FLT3: variants seen among roughly 807,000 people sequenced by gnomAD.
The protein encoded by FLT3 is receptor-type tyrosine-protein kinase FLT3.
A neutral mutation model predicts 126.6 loss-of-function variants in FLT3; 46 were observed. The observed-to-expected ratio is 0.36, with a 90% CI of 0.29 to 0.46. The LOEUF is 0.46. Ranked by LOEUF, FLT3 falls within the 20% of genes least tolerant of loss-of-function variation. The pLI, the probability that FLT3 is intolerant of heterozygous loss-of-function variation, is 1.00. For missense variants in FLT3, 1,069 were observed against 1,190.3 expected (o/e 0.90, Z 1.50); for synonymous variants, 404 against 434.4 (o/e 0.93, Z 0.87).
chr13:28,035,839 T>C, intron 11 of FLT3, 96 bp downstream of exon 11: 1 of 1,241,104 alleles, frequency 8.1e-7, no homozygotes, highest in East Asian at 2.3e-5. Flanking sequence ...ATTTTAAATA[T>C]TTCATCATTT....
intron 23 of FLT3, among the ~76,000 whole-genome samples, chr13:28,007,810 A>G (rs1871043839): frequency 6.6e-6 from 1 of 152,222 alleles, no homozygotes; most frequent in Non-Finnish European, 1.5e-5. Context: ...TGTGGCTAAT[A>G]CATTAGTAAA....
chr13:28,040,963 CA>C (rs58959298), intron 9 of FLT3, among the ~76,000 whole-genome samples: 12,671 of 108,586 alleles, frequency 0.12, 1,340 homozygotes, highest in African/African-American at 0.33. Flanking sequence ...GACCCGGACT[CA>C]AAAAAAAAAA....
At chr13:28,064,950 G>C (rs1227140338) in intron 2 of FLT3, among the ~76,000 whole-genome samples, 1 of 152,124 alleles carries the variant, frequency 6.6e-6, no homozygotes, top group Admixed American at 6.6e-5. Context: ...TAGATGAGTG[G>C]TTGAACAAAT....
chr13:28,035,741 C>A, intron 11 of FLT3, 68 bp from the exon 12 acceptor site: 1 of 1,492,380 alleles, frequency 6.7e-7, no homozygotes, highest in Non-Finnish European at 9.1e-7. Flanking sequence ...AGGATTTCTG[C>A]AGCGAGTTCT....
chr13:28,051,425 C>T (rs1593263494), intron 5 of FLT3, among the ~76,000 whole-genome samples: 3 of 150,560 alleles, frequency 2.0e-5, no homozygotes, highest in Middle Eastern at 3.5e-3. Flanking sequence ...TTAGTAGAGA[C>T]GGGGTTTGAC....
intron 1 of FLT3, among the ~76,000 whole-genome samples, chr13:28,079,016 T>C (rs1878147744): frequency 6.6e-6 from 1 of 152,108 alleles, no homozygotes; most frequent in East Asian, 1.9e-4. Context: ...CCGGCCTGGG[T>C]TTTTCTTTTC....
chr13:28,058,631 G>T (rs1266415823), intron 3 of FLT3, among the ~76,000 whole-genome samples: 2 of 152,172 alleles, frequency 1.3e-5, no homozygotes, highest in Non-Finnish European at 2.9e-5. Context: ...AGTTGACAAA[G>T]ATGTAGAATC....
intron 19 of FLT3, among the ~76,000 whole-genome samples, chr13:28,018,806 C>T (rs1211020215): frequency 1.3e-5 from 2 of 152,162 alleles, no homozygotes; most frequent in Non-Finnish European, 2.9e-5. Flanking sequence ...CTTTGTGCGG[C>T]TTCTGAAGCA....
At chr13:28,081,844 C>CTTTTTTTTTTTTTT (rs35243277) in intron 1 of FLT3, among the ~76,000 whole-genome samples, 2 of 64,988 alleles carry the variant, frequency 3.1e-5, no homozygotes, top group African/African-American at 6.9e-5. Flanking sequence ...TACTTTGATT[C>CTTTTTTTTTTTTTT]TTTTTTTTTT....
At chr13:28,051,095 C>T (rs1265179276) in intron 5 of FLT3, among the ~76,000 whole-genome samples, 1 of 152,212 alleles carries the variant, frequency 6.6e-6, no homozygotes, top group East Asian at 1.9e-4. Flanking sequence ...CAAGGCCACA[C>T]AGCTGCTAAG....
chr13:28,066,882 A>G (rs982852527), intron 2 of FLT3, among the ~76,000 whole-genome samples: 1 of 152,232 alleles, frequency 6.6e-6, no homozygotes, highest in Non-Finnish European at 1.5e-5. Flanking sequence ...CTTATTAATT[A>G]TAAGTGAAGA....
intron 9 of FLT3, among the ~76,000 whole-genome samples, chr13:28,046,763 T>C (rs1041632862): frequency 6.6e-6 from 1 of 151,916 alleles, no homozygotes; most frequent in African/African-American, 2.4e-5. Context: ...ACTCAACTCA[T>C]TTTTGTATTT....
chr13:28,020,050 C>T (rs1566061100), intron 19 of FLT3, among the ~76,000 whole-genome samples: 1 of 152,210 alleles, frequency 6.6e-6, no homozygotes, highest in South Asian at 2.1e-4. Context: ...CCACGCTCTA[C>T]TTGGTTGCTC....
chr13:28,099,156 G>C (rs1879661563), intron 1 of FLT3, among the ~76,000 whole-genome samples: 1 of 152,164 alleles, frequency 6.6e-6, no homozygotes, highest in Non-Finnish European at 1.5e-5. Flanking sequence ...AAATAGAAAA[G>C]AATTCCATGC....
chr13:28,021,804 G>A (rs906860979), intron 19 of FLT3, among the ~76,000 whole-genome samples: 14 of 151,170 alleles, frequency 9.3e-5, no homozygotes, highest in African/African-American at 2.9e-4. Flanking sequence ...GTGCAGTGGC[G>A]CCATCTTGGC....
chr13:28,054,404 A>C (rs1875819716), intron 4 of FLT3, among the ~76,000 whole-genome samples: 1 of 151,790 alleles, frequency 6.6e-6, no homozygotes, highest in African/African-American at 2.4e-5. Context: ...AACAAATCAC[A>C]ACACAACTCA....
chr13:28,031,605 A>G (rs902336461), intron 15 of FLT3, among the ~76,000 whole-genome samples: 2 of 152,216 alleles, frequency 1.3e-5, no homozygotes, highest in Non-Finnish European at 2.9e-5. Flanking sequence ...AAGGGCCTCA[A>G]TATTGTCTGT....
At chr13:28,051,547 CTTT>C (rs757834414) in intron 5 of FLT3, among the ~76,000 whole-genome samples, 5 of 89,892 alleles carry the variant, frequency 5.6e-5, no homozygotes, top group Admixed American at 1.2e-4. Context: ...TATAATTTCC[CTTT>C]TTTTTTTTTT....
intron 1 of FLT3, among the ~76,000 whole-genome samples, chr13:28,083,244 T>A (rs1171830347): frequency 1.3e-5 from 2 of 152,232 alleles, no homozygotes; most frequent in Non-Finnish European, 2.9e-5. Flanking sequence ...TCAGATAGAC[T>A]TGGTTTTGTT....
Sources: allele counts gnomAD v4.1 joint callset (sites outside exome capture counted in the v4.1 genomes callset), GRCh38; gene constraint gnomAD v4.1.1; transcripts MANE v1.5; gene names NCBI Gene and HGNC (gene_info 2026-07-23, HGNC 2026-07-21).